The following CNTNAP5 variants were observed in gnomAD, a reference collection of about 807,000 sequenced individuals.
CNTNAP5 encodes the protein contactin associated protein family member 5.
In CNTNAP5, 72 loss-of-function variants were observed where a neutral mutation model predicts 150.2. That is an observed-to-expected ratio of 0.48 (90% CI 0.40 to 0.58). CNTNAP5 has a LOEUF of 0.58. Ranked by LOEUF, CNTNAP5 falls within the 20% of genes least tolerant of loss-of-function variation. The probability of loss-of-function intolerance (pLI) is 0.00; values close to 1 mark genes in which losing one functional copy is unlikely to be tolerated. For synonymous variants in CNTNAP5, 672 were observed against 619.8 expected, an observed-to-expected ratio of 1.08 and a Z score of -1.25; for missense variants, 1,636 against 1,626.2, an observed-to-expected ratio of 1.01 and a Z score of -0.10.
At chr2:124,707,898 G>A (rs184254042) in intron 13 of CNTNAP5, among the ~76,000 whole-genome samples, 101 of 152,158 alleles carry the variant, frequency 6.6e-4, no homozygotes, top group African/African-American at 2.1e-3. Context: ...TAAAAGTGAC[G>A]ACAAATAACT....
intron 13 of CNTNAP5, among the ~76,000 whole-genome samples, chr2:124,686,462 C>T (rs1402244354): frequency 6.6e-6 from 1 of 152,072 alleles, no homozygotes; most frequent in African/African-American, 2.4e-5. Context: ...GTGCTAAATA[C>T]TCCCCAAAGA....
chr2:124,205,813 C>CT (rs1349178443), intron 1 of CNTNAP5, among the ~76,000 whole-genome samples: 2 of 152,160 alleles, frequency 1.3e-5, no homozygotes, highest in African/African-American at 2.4e-5. Context: ...TTGCTGCCTC[C>CT]TTTTTTTCTC....
chr2:124,244,421 C>G (rs991250944), intron 3 of CNTNAP5, among the ~76,000 whole-genome samples: 1 of 152,050 alleles, frequency 6.6e-6, no homozygotes, highest in Non-Finnish European at 1.5e-5. Context: ...GGAGACTTTC[C>G]CCATTCCCTA....
chr2:124,097,382 T>A (rs955674825), intron 1 of CNTNAP5, among the ~76,000 whole-genome samples: 2 of 152,186 alleles, frequency 1.3e-5, no homozygotes, highest in Non-Finnish European at 2.9e-5. Context: ...TCAACCTCTA[T>A]ACACTTTGAT....
At chr2:124,842,760 A>C (rs1573654402) in intron 19 of CNTNAP5, among the ~76,000 whole-genome samples, 1 of 152,118 alleles carries the variant, frequency 6.6e-6, no homozygotes, top group Non-Finnish European at 1.5e-5. Flanking sequence ...TTCCTTTGAG[A>C]GTTTTCAAGG....
At position 124,041,519 on chromosome 2, in the gene CNTNAP5, C is replaced by T. The variant is rs114508139; in HGVS notation, c.82+15787C>T. ...ACATCCTACACATAGCAAACATATA[C>T]ACTTACTGTCAATTAGTTTAGTTTG... On this transcript the variant is annotated intron_variant, in intron 1 of 23. Transcript: ENST00000682447. Among the ~76,000 whole-genome samples the T allele has an allele frequency of 5.8e-3, 876 of 152,290 alleles. 8 individuals are homozygous for T. The highest frequency in any genetic ancestry group is 0.02 in the African/African-American group (812 of 41,552).
chr2:124,542,810 TTTAC>T (rs1695418331), intron 10 of CNTNAP5, among the ~76,000 whole-genome samples: 1 of 152,196 alleles, frequency 6.6e-6, no homozygotes. Context: ...CCTGTGATTA[TTTAC>T]TTAATGATTT....
chr2:124,509,082 A>G, intron 8 of CNTNAP5, among the ~76,000 whole-genome samples: 1 of 152,226 alleles, frequency 6.6e-6, no homozygotes, highest in East Asian at 1.9e-4. Context: ...TAGTTCTAAC[A>G]TCCTGGATCT....
At chr2:124,357,270 G>T (rs1329614295) in intron 3 of CNTNAP5, among the ~76,000 whole-genome samples, 1 of 152,158 alleles carries the variant, frequency 6.6e-6, no homozygotes, top group Non-Finnish European at 1.5e-5. Flanking sequence ...TGTTCACTCT[G>T]ATGGTAGTTT....
intron 21 of CNTNAP5, among the ~76,000 whole-genome samples, chr2:124,894,816 G>A (rs1678270015): frequency 6.6e-6 from 1 of 151,442 alleles, no homozygotes; most frequent in African/African-American, 2.5e-5. Flanking sequence ...GCTTCCCAAA[G>A]TACTGGGATT....
At chr2:124,888,301 G>A (rs1201186824) in intron 21 of CNTNAP5, among the ~76,000 whole-genome samples, 1 of 152,086 alleles carries the variant, frequency 6.6e-6, no homozygotes, top group African/African-American at 2.4e-5. Context: ...TGGCTGCATA[G>A]TATTCAATAG....
At chr2:124,529,122 T>C (rs1695046680) in intron 10 of CNTNAP5, among the ~76,000 whole-genome samples, 1 of 151,638 alleles carries the variant, frequency 6.6e-6, no homozygotes, top group African/African-American at 2.4e-5. Context: ...TTCATTAAAA[T>C]GTGCTAGTTT....
At chr2:124,592,284 C>A (rs886374521) in intron 11 of CNTNAP5, among the ~76,000 whole-genome samples, 1 of 151,934 alleles carries the variant, frequency 6.6e-6, no homozygotes, top group Non-Finnish European at 1.5e-5. Flanking sequence ...TGTAATTTTG[C>A]TAGATATTGC....
intron 2 of CNTNAP5, among the ~76,000 whole-genome samples, chr2:124,241,335 G>A (rs926334495): frequency 1.3e-5 from 2 of 152,132 alleles, no homozygotes; most frequent in Middle Eastern, 3.4e-3. Flanking sequence ...TGAATCACAC[G>A]AGATCCAAGA....
chr2:124,662,016 G>A (rs969669679), intron 13 of CNTNAP5, among the ~76,000 whole-genome samples: 12 of 151,890 alleles, frequency 7.9e-5, no homozygotes, highest in African/African-American at 1.9e-4. Context: ...CCCACCCCCC[G>A]ATAGGCCTCG....
At chr2:124,077,141 A>ATGAT (rs1026219827) in intron 1 of CNTNAP5, among the ~76,000 whole-genome samples, 5 of 152,156 alleles carry the variant, frequency 3.3e-5, no homozygotes, top group African/African-American at 1.2e-4. Flanking sequence ...ATACACAAAG[A>ATGAT]TGATTGATTG....
intron 3 of CNTNAP5, among the ~76,000 whole-genome samples, chr2:124,289,420 G>A (rs1285198302): frequency 2.0e-5 from 3 of 152,146 alleles, no homozygotes; most frequent in African/African-American, 4.8e-5. Context: ...GCTTAAAAGT[G>A]TAGACAATTA....
chr2:124,157,480 C>A (rs1052067713), intron 1 of CNTNAP5, among the ~76,000 whole-genome samples: 1 of 152,122 alleles, frequency 6.6e-6, no homozygotes, highest in African/African-American at 2.4e-5. Flanking sequence ...CCTTATGTTT[C>A]TTTTTCAGTA....
intron 13 of CNTNAP5, among the ~76,000 whole-genome samples, chr2:124,741,342 C>T (rs1184106890): frequency 6.6e-6 from 1 of 152,112 alleles, no homozygotes; most frequent in African/African-American, 2.4e-5. Context: ...ATTCTCTTGG[C>T]CGTAGCTGCA....
Sources: gnomAD v4.1 joint callset for allele counts (sites outside exome capture counted in the v4.1 genomes callset) on GRCh38, gnomAD v4.1.1 for gene constraint, MANE v1.5 for transcripts, NCBI Gene and HGNC (gene_info 2026-07-23, HGNC 2026-07-21) for gene names.